TPRG1: variants seen among roughly 807,000 people sequenced by gnomAD.
TPRG1 encodes the protein tumor protein p63-regulated gene 1 protein.
In TPRG1, 29 loss-of-function variants were observed where a neutral mutation model predicts 29.3. The ratio of observed to expected loss-of-function variants is 0.99; its 90% CI spans 0.74 to 1.35. The LOEUF (loss-of-function observed/expected upper bound fraction) is 1.35, where lower values mean the gene tolerates loss of function less well. Ranked by LOEUF, TPRG1 falls within the 40% of genes most tolerant of loss-of-function variation. The pLI is 0.00. For synonymous variants in TPRG1, 130 were observed against 116.8 expected (o/e 1.11, Z -0.73); for missense variants, 327 against 335.0 (o/e 0.98, Z 0.19).
intron 4 of TPRG1, among the ~76,000 whole-genome samples, chr3:189,065,338 T>C (rs1716368698): frequency 6.6e-6 from 1 of 152,166 alleles, no homozygotes; most frequent in Non-Finnish European, 1.5e-5. Flanking sequence ...AGTAGTACTC[T>C]GATACCAATA....
chr3:189,156,084 A>G (rs979878680), intron 5 of TPRG1, among the ~76,000 whole-genome samples: 15 of 152,328 alleles, frequency 9.8e-5, no homozygotes, highest in Admixed American at 9.1e-4. Context: ...AAAACATCAC[A>G]TTGTACACCT....
chr3:189,311,219 G>C (rs1322933299), intron 5 of TPRG1, among the ~76,000 whole-genome samples: 1 of 152,182 alleles, frequency 6.6e-6, no homozygotes, highest in Non-Finnish European at 1.5e-5. Context: ...AGCTGAAAAT[G>C]TAGTGAAAGA....
chr3:189,128,148 G>A (rs1369365037), intron 2 of TPRG1, among the ~76,000 whole-genome samples: 1 of 152,202 alleles, frequency 6.6e-6, no homozygotes, highest in African/African-American at 2.4e-5. Flanking sequence ...TGCAAGATGA[G>A]TCAGAAAGGG....
intron 1 of TPRG1, among the ~76,000 whole-genome samples, chr3:189,200,341 G>T (rs1371593203): frequency 2.0e-5 from 3 of 152,216 alleles, no homozygotes; most frequent in Non-Finnish European, 4.4e-5. Context: ...AGGTGTTAGA[G>T]TATTGTTGTT....
At chr3:189,119,849 T>A (rs1026111209) in intron 1 of TPRG1, among the ~76,000 whole-genome samples, 2 of 152,128 alleles carry the variant, frequency 1.3e-5, no homozygotes, top group Admixed American at 1.3e-4. Context: ...TTAATAGCAG[T>A]GTGAGAACAG....
chr3:189,282,852 A>G (rs1576951036), intron 4 of TPRG1, among the ~76,000 whole-genome samples: 1 of 152,312 alleles, frequency 6.6e-6, no homozygotes, highest in Non-Finnish European at 1.5e-5. Flanking sequence ...GAAGATAATG[A>G]CAGATTTGAT....
intron 1 of TPRG1, among the ~76,000 whole-genome samples, chr3:188,997,654 T>A (rs9860842): frequency 6.6e-6 from 1 of 152,150 alleles, no homozygotes; most frequent in African/African-American, 2.4e-5. Flanking sequence ...CTGTCTGAGA[T>A]AGCTACCCTT....
At chr3:189,123,182 G>A (rs979091087) in intron 1 of TPRG1, among the ~76,000 whole-genome samples, 6 of 152,114 alleles carry the variant, frequency 3.9e-5, no homozygotes, top group African/African-American at 1.4e-4. Context: ...AATTTATCCT[G>A]TAAAGCATGC....
At chr3:189,166,492 G>A (rs1467920672) in intron 5 of TPRG1, among the ~76,000 whole-genome samples, 2 of 152,198 alleles carry the variant, frequency 1.3e-5, no homozygotes, top group Non-Finnish European at 2.9e-5. Flanking sequence ...AAAGGATACC[G>A]AGGGAAACTT....
At chr3:189,266,069 C>T (rs181152624) in intron 4 of TPRG1, among the ~76,000 whole-genome samples, 39 of 152,226 alleles carry the variant, frequency 2.6e-4, no homozygotes, top group Non-Finnish European at 4.4e-4. Flanking sequence ...TAGAAGTCCA[C>T]GGGCCATGGT....
chr3:189,196,119 C>T (rs1732493534), intron 1 of TPRG1, among the ~76,000 whole-genome samples: 1 of 152,142 alleles, frequency 6.6e-6, no homozygotes, highest in African/African-American at 2.4e-5. Flanking sequence ...AGCCTGAAAC[C>T]CTACTGCTTC....
At chr3:189,282,197 A>G (rs1202573351) in intron 4 of TPRG1, among the ~76,000 whole-genome samples, 2 of 145,452 alleles carry the variant, frequency 1.4e-5, no homozygotes, top group African/African-American at 5.2e-5. Flanking sequence ...CAATGTCAGT[A>G]GGCATAATAG....
At chr3:189,172,916 G>A (rs956162837) in intron 1 of TPRG1, among the ~76,000 whole-genome samples, 10 of 152,162 alleles carry the variant, frequency 6.6e-5, no homozygotes, top group Non-Finnish European at 1.5e-4. Flanking sequence ...AGGCCCTGGG[G>A]AAATATTTTA....
intron 4 of TPRG1, among the ~76,000 whole-genome samples, chr3:189,031,781 A>G (rs530139878): frequency 3.3e-5 from 5 of 152,336 alleles, no homozygotes; most frequent in African/African-American, 1.2e-4. Context: ...GGGGAGGCAA[A>G]CAGTGCATGT....
At chr3:189,274,978 G>GTC (rs1409763902) in intron 4 of TPRG1, among the ~76,000 whole-genome samples, 1 of 145,494 alleles carries the variant, frequency 6.9e-6, no homozygotes, top group African/African-American at 2.6e-5. Flanking sequence ...GTGTGTGTGT[G>GTC]TATGAAGTCA....
chr3:189,172,791 G>A (rs193213417), intron 1 of TPRG1, among the ~76,000 whole-genome samples: 2 of 152,186 alleles, frequency 1.3e-5, no homozygotes, highest in Non-Finnish European at 2.9e-5. Context: ...ATGAGACAGC[G>A]ATGACTACTT....
intron 4 of TPRG1, among the ~76,000 whole-genome samples, chr3:189,294,802 T>TCACA (rs577519611): frequency 3.0e-5 from 4 of 131,446 alleles, no homozygotes; most frequent in Non-Finnish European, 6.0e-5. Flanking sequence ...ACCCTTACAG[T>TCACA]TACACACACA....
chr3:189,063,462 C>CT (rs1283053334), intron 4 of TPRG1, among the ~76,000 whole-genome samples: 1 of 151,990 alleles, frequency 6.6e-6, no homozygotes, highest in East Asian at 1.9e-4. Context: ...GCAGAATAAA[C>CT]TTTTTTTCAA....
chr3:189,172,739 A>G (rs1261806906), intron 1 of TPRG1, among the ~76,000 whole-genome samples: 3 of 152,220 alleles, frequency 2.0e-5, no homozygotes, highest in East Asian at 3.8e-4. Flanking sequence ...AAACGAGGGC[A>G]TGTATGTAAA....
Sources: allele counts gnomAD v4.1 joint callset (sites outside exome capture counted in the v4.1 genomes callset), GRCh38; gene constraint gnomAD v4.1.1; transcripts MANE v1.5; gene names NCBI Gene and HGNC (gene_info 2026-07-23, HGNC 2026-07-21).